Variants in SORL1 observed in about 807,000 individuals in gnomAD.
The protein encoded by SORL1 is sortilin-related receptor.
Under a neutral mutation model 273.7 loss-of-function variants are expected in SORL1, and 127 were observed. The observed-to-expected ratio is 0.46, with a 90% CI of 0.40 to 0.54. The LOEUF is 0.54. Ranked by LOEUF, SORL1 falls within the 20% of genes least tolerant of loss-of-function variation. The pLI, the probability that SORL1 is intolerant of heterozygous loss-of-function variation, is 0.00. For synonymous variants in SORL1, 1,031 were observed against 1,067.4 expected, an observed-to-expected ratio of 0.97 and a Z score of 0.66; for missense variants, 2,494 against 2,846.1, an observed-to-expected ratio of 0.88 and a Z score of 2.81.
At chr11:121,453,050 A>C in intron 1 of SORL1, 1 of 159,512 alleles carries the variant, frequency 6.3e-6, no homozygotes, top group Non-Finnish European at 1.4e-5. Context: ...TATTAGCACA[A>C]TAAAAGTGGG....
intron 25 of SORL1, among the ~76,000 whole-genome samples, chr11:121,579,971 A>G (rs542308750): frequency 6.6e-6 from 1 of 152,328 alleles, no homozygotes; most frequent in African/African-American, 2.4e-5. Flanking sequence ...CCGTATTTTC[A>G]TAGAATTCTT....
intron 3 of SORL1, among the ~76,000 whole-genome samples, chr11:121,484,076 A>G (rs1861436796): frequency 6.6e-6 from 1 of 152,190 alleles, no homozygotes; most frequent in African/African-American, 2.4e-5. Context: ...GCTGCTGTGC[A>G]ATGTCAAACA....
In SORL1 at chr11:121,470,007, GT is replaced by G; in HGVS notation, c.288del (p.Ser97ValfsTer2). 6.2e-7 allele frequency: 1 copy of G among 1,604,406 alleles called. No homozygotes were observed. The highest frequency in any genetic ancestry group is 8.5e-7 in the Non-Finnish European group (1 of 1,171,106). ...TAATTCCTACATTGATCTCTTTCAG[GT>G]TAGTCTGAATGATTCCCACAATCAG... ...QPEPIKVYGQ[V>X]SLNDSHNQMV... is the part of the protein sequence containing the mutation. On this transcript the variant is annotated frameshift_variant and splice_region_variant, in exon 2 of 48. Transcript: ENST00000260197. LOFTEE classifies it high-confidence loss of function.
chr11:121,561,580 T>TCATTG (rs1302145129), intron 21 of SORL1, among the ~76,000 whole-genome samples: 5 of 151,472 alleles, frequency 3.3e-5, no homozygotes, highest in Non-Finnish European at 7.4e-5. Flanking sequence ...TCTCAGCTCC[T>TCATTG]CAGGAGGCGG....
intron 12 of SORL1, among the ~76,000 whole-genome samples, chr11:121,533,995 A>G (rs899124090): frequency 4.6e-5 from 7 of 152,192 alleles, no homozygotes; most frequent in Admixed American, 3.3e-4. Context: ...TCATTTATAT[A>G]CCCATTAATT....
At chr11:121,629,139 A>C in intron 47 of SORL1, 1 of 219,386 alleles carries the variant, frequency 4.6e-6, no homozygotes, top group African/African-American at 2.3e-5. Flanking sequence ...CAGACACTGA[A>C]GTTCACTGTG....
At chr11:121,581,679 A>G (rs566618655) in intron 25 of SORL1, among the ~76,000 whole-genome samples, 1 of 152,344 alleles carries the variant, frequency 6.6e-6, no homozygotes, top group East Asian at 1.9e-4. Context: ...GGCCACTTGA[A>G]TGCAAACTGA....
chr11:121,586,617 C>T (rs1863114492), intron 27 of SORL1, among the ~76,000 whole-genome samples: 1 of 128,762 alleles, frequency 7.8e-6, no homozygotes, highest in African/African-American at 2.9e-5. Context: ...TATTAATTGA[C>T]CAGTTGTTTT....
chr11:121,581,255 CT>C (rs1223583086), intron 25 of SORL1, among the ~76,000 whole-genome samples: 1 of 152,212 alleles, frequency 6.6e-6, no homozygotes, highest in Non-Finnish European at 1.5e-5. Flanking sequence ...TAAGGCAGTA[CT>C]TTCCCTGTTA....
intron 23 of SORL1, 27 bp downstream of exon 23, chr11:121,570,297 C>T: frequency 6.5e-7 from 1 of 1,545,494 alleles, no homozygotes; most frequent in African/African-American, 1.4e-5. Context: ...GGACGTTAAG[C>T]ACTTACCATT....
At chr11:121,565,672 G>GA (rs534149942) in intron 21 of SORL1, among the ~76,000 whole-genome samples, 118 of 152,246 alleles carry the variant, frequency 7.8e-4, no homozygotes, top group Non-Finnish European at 1.5e-3. Flanking sequence ...GCAGTCAAAA[G>GA]AAAAAACATG....
At chr11:121,586,703 G>GT (rs1863119462) in intron 27 of SORL1, among the ~76,000 whole-genome samples, 3 of 11,294 alleles carry the variant, frequency 2.7e-4, no homozygotes, top group South Asian at 2.5e-3. Flanking sequence ...TGGGGGGGGG[G>GT]GCGGGGGGGG....
intron 1 of SORL1, among the ~76,000 whole-genome samples, chr11:121,464,053 T>C (rs975497387): frequency 1.3e-5 from 2 of 152,196 alleles, no homozygotes; most frequent in Admixed American, 6.5e-5. Flanking sequence ...TTATGCTATA[T>C]TGTAGAATTT....
chr11:121,552,518 C>T (rs747159655), intron 16 of SORL1, among the ~76,000 whole-genome samples: 43 of 152,182 alleles, frequency 2.8e-4, no homozygotes, highest in Admixed American at 6.5e-5. Flanking sequence ...GGGGCAAAAG[C>T]CTTGCTGCTG....
At chr11:121,624,541 G>A (rs78130818) in intron 45 of SORL1, among the ~76,000 whole-genome samples, 3,904 of 152,262 alleles carry the variant, frequency 0.026, 159 homozygotes, top group African/African-American at 0.089. Flanking sequence ...CAGGTTGTTG[G>A]GGGGCTGAGA....
rs146197030 is a variant in SORL1, at chr11:121,586,339, T to G, written c.3814+10T>G. On this transcript the variant is annotated intron_variant, in intron 27 of 47. Transcript: ENST00000260197. ...GATGAACAGCACTGCGGTGAGTTCATTCCTTGCCCCCAGGAAGCACTCAGG... is the reference window on the plus strand; with the variant it reads ...GATGAACAGCACTGCGGTGAGTTCAGTCCTTGCCCCCAGGAAGCACTCAGG... 31,207 of 1,604,810 alleles carry G rather than the reference T, an allele frequency of 0.019. 371 individuals are homozygous for G. The highest frequency in any genetic ancestry group is 0.035 in the Middle Eastern group (211 of 6,050).
At chr11:121,545,085 G>T (rs1167534627) in intron 13 of SORL1, among the ~76,000 whole-genome samples, 158 bp from the exon 14 acceptor site, 1 of 152,224 alleles carries the variant, frequency 6.6e-6, no homozygotes, top group East Asian at 1.9e-4. Context: ...GCATAGGGCT[G>T]CCCAGCTTCA....
intron 6 of SORL1, 138 bp from the exon 7 acceptor site, chr11:121,512,865 C>T (rs372273354): frequency 3.1e-6 from 2 of 650,096 alleles, no homozygotes; most frequent in East Asian, 2.7e-5. Flanking sequence ...ATTGCAAAAA[C>T]ATGAATTTGC....
At chr11:121,470,908 C>T (rs966082229) in intron 2 of SORL1, among the ~76,000 whole-genome samples, 5 of 152,110 alleles carry the variant, frequency 3.3e-5, no homozygotes, top group Admixed American at 1.3e-4. Flanking sequence ...AGGCTGGTCT[C>T]GAACCCCTGG....
Sources: allele counts gnomAD v4.1 joint callset (sites outside exome capture counted in the v4.1 genomes callset), GRCh38; gene constraint gnomAD v4.1.1; transcripts MANE v1.5; gene names NCBI Gene and HGNC (gene_info 2026-07-23, HGNC 2026-07-21).